THSD7B: variants seen among roughly 807,000 people sequenced by gnomAD.
The protein encoded by THSD7B is thrombospondin type-1 domain-containing protein 7B.
In THSD7B, 138 loss-of-function variants were observed where a neutral mutation model predicts 213.6. The observed-to-expected ratio is 0.65, with a 90% CI of 0.56 to 0.74. The LOEUF (loss-of-function observed/expected upper bound fraction) is 0.74. THSD7B is among the 30% of genes least tolerant of loss of function. The pLI is 0.00. For missense variants in THSD7B, 1,931 were observed against 1,991.5 expected (o/e 0.97, Z 0.58); for synonymous variants, 742 against 687.0 (o/e 1.08, Z -1.25).
intron 15 of THSD7B, among the ~76,000 whole-genome samples, chr2:137,526,644 G>A (rs755182803): frequency 2.6e-5 from 4 of 151,982 alleles, no homozygotes; most frequent in Non-Finnish European, 5.9e-5. Flanking sequence ...GGCTGGTCTC[G>A]AAATCCTGAC....
chr2:137,577,507 A>G (rs2105241185), intron 17 of THSD7B, among the ~76,000 whole-genome samples: 1 of 151,732 alleles, frequency 6.6e-6, no homozygotes, highest in East Asian at 1.9e-4. Flanking sequence ...GACACCTTCC[A>G]TTCTATCTCC....
intron 5 of THSD7B, among the ~76,000 whole-genome samples, chr2:137,140,599 AT>A (rs34934188): frequency 6.6e-6 from 1 of 151,796 alleles, no homozygotes; most frequent in Non-Finnish European, 1.5e-5. Flanking sequence ...ATTATTCTTA[AT>A]TTTTTGCCAA....
In THSD7B at chr2:137,375,272, C is replaced by T. The variant is rs1278910225; in HGVS notation, c.2501-30341C>T. On this transcript the variant is annotated intron_variant, in intron 12 of 27. Coordinates refer to ENST00000409968, the MANE Select transcript of THSD7B (RefSeq NM_001316349.2). The stretch of plus-strand genomic sequence containing the variant: ...CAGTTTTATACTTAGCTAATTTTAA[C>T]AGGTTAAAAAAAACACTGTACACAA... 2.0e-5 allele frequency among the ~76,000 whole-genome samples: 3 copies of T among 152,038 alleles called. No homozygotes were observed. The East Asian group carries it at 5.8e-4, about 29-fold the overall frequency.
At chr2:137,404,590 T>C (rs1686465937) in intron 12 of THSD7B, among the ~76,000 whole-genome samples, 1 of 149,460 alleles carries the variant, frequency 6.7e-6, no homozygotes, top group African/African-American at 2.5e-5. Flanking sequence ...ACAGATACTA[T>C]ATATACACAC....
chr2:137,617,866 T>C (rs190122841), intron 18 of THSD7B, among the ~76,000 whole-genome samples: 2 of 152,232 alleles, frequency 1.3e-5, no homozygotes, highest in East Asian at 3.9e-4. Context: ...CCCTTAGGCC[T>C]CCTTTATAAA....
Position 137,476,939 on chromosome 2 carries a change from G to A in THSD7B, c.3138+25916G>A, listed in dbSNP as rs531176645. Reference sequence around the variant, plus strand: ...TATTTGTTTAGTGTTCTAACATATGGTCTATCCTGGAGAACATTCCATGTG... The same window carrying A: ...TATTTGTTTAGTGTTCTAACATATGATCTATCCTGGAGAACATTCCATGTG... On this transcript the variant is annotated intron_variant, in intron 15 of 27. Transcript: ENST00000409968. 1.3e-3 allele frequency among the ~76,000 whole-genome samples: 203 copies of A among 152,262 alleles called. 1 individual carries two copies. The highest frequency in any genetic ancestry group is 4.4e-3 in the African/African-American group (182 of 41,556).
At chr2:137,185,186 A>T (rs1030790775) in intron 7 of THSD7B, among the ~76,000 whole-genome samples, 2 of 152,264 alleles carry the variant, frequency 1.3e-5, no homozygotes, top group African/African-American at 4.8e-5. Context: ...CTTATTAAAG[A>T]AAAAAATTTG....
At chr2:136,899,988 C>T (rs2105011063) in intron 2 of THSD7B, among the ~76,000 whole-genome samples, 1 of 152,302 alleles carries the variant, frequency 6.6e-6, no homozygotes, top group East Asian at 1.9e-4. Flanking sequence ...GAACACTAAG[C>T]TCCACTCCCT....
At chr2:136,948,637 A>G (rs1684983340) in intron 2 of THSD7B, among the ~76,000 whole-genome samples, 1 of 152,206 alleles carries the variant, frequency 6.6e-6, no homozygotes, top group Admixed American at 6.5e-5. Context: ...TATGTAAGAT[A>G]TGTGTATATA....
At chr2:136,766,272 G>T (rs1681389363) in intron 1 of THSD7B, among the ~76,000 whole-genome samples, 1 of 152,152 alleles carries the variant, frequency 6.6e-6, no homozygotes. Flanking sequence ...CTGATTTATC[G>T]GTGGAGTGTC....
chr2:137,270,980 G>A (rs191274815), intron 10 of THSD7B, among the ~76,000 whole-genome samples: 83 of 152,234 alleles, frequency 5.5e-4, no homozygotes, highest in Non-Finnish European at 8.8e-4. Context: ...AAGACAGAGA[G>A]TAAGGAAGCT....
chr2:137,091,152 T>A (rs1280604163), intron 3 of THSD7B, among the ~76,000 whole-genome samples: 1 of 152,214 alleles, frequency 6.6e-6, no homozygotes, highest in Non-Finnish European at 1.5e-5. Context: ...TTCGAAAATA[T>A]AAAAGCCTCA....
chr2:136,810,842 T>G (rs16836776), intron 1 of THSD7B, among the ~76,000 whole-genome samples: 5,564 of 152,276 alleles, frequency 0.037, 319 homozygotes, highest in African/African-American at 0.12. Flanking sequence ...ATGACATTGT[T>G]GTAACCCTTG....
intron 2 of THSD7B, among the ~76,000 whole-genome samples, chr2:136,901,497 G>C (rs769086968): frequency 6.6e-6 from 1 of 152,154 alleles, no homozygotes; most frequent in Non-Finnish European, 1.5e-5. Flanking sequence ...TGAAGTAGAC[G>C]ATAAGGTCAC....
chr2:137,285,110 ATAGT>A (rs1343046188), intron 12 of THSD7B, among the ~76,000 whole-genome samples: 1 of 152,108 alleles, frequency 6.6e-6, no homozygotes, highest in African/African-American at 2.4e-5. Context: ...TATATTTAGG[ATAGT>A]TAGTTCTTCT....
At chr2:137,194,807 G>C (rs1051990460) in intron 7 of THSD7B, among the ~76,000 whole-genome samples, 1 of 152,026 alleles carries the variant, frequency 6.6e-6, no homozygotes, top group African/African-American at 2.4e-5. Context: ...TATTATTTGA[G>C]TTAATTTTAT....
intron 12 of THSD7B, among the ~76,000 whole-genome samples, chr2:137,388,452 A>T (rs748140414): frequency 5.9e-5 from 9 of 152,064 alleles, no homozygotes; most frequent in Non-Finnish European, 1.2e-4. Context: ...TTATACAGAG[A>T]GAATGTGTAA....
At chr2:136,813,157 C>G (rs1682410852) in intron 1 of THSD7B, among the ~76,000 whole-genome samples, 1 of 152,178 alleles carries the variant, frequency 6.6e-6, no homozygotes, top group African/African-American at 2.4e-5. Context: ...AGTCCTCATA[C>G]TTTTTGCTTC....
intron 2 of THSD7B, among the ~76,000 whole-genome samples, chr2:137,049,737 G>A (rs1219423392): frequency 6.6e-6 from 1 of 152,118 alleles, no homozygotes; most frequent in African/African-American, 2.4e-5. Flanking sequence ...AAGGGACCCT[G>A]GGAGCAGCTA....
Sources: gnomAD v4.1 joint callset for allele counts (sites outside exome capture counted in the v4.1 genomes callset) on GRCh38, gnomAD v4.1.1 for gene constraint, MANE v1.5 for transcripts, NCBI Gene and HGNC (gene_info 2026-07-23, HGNC 2026-07-21) for gene names.